LINGO2: variants seen among roughly 807,000 people sequenced by gnomAD.
LINGO2 encodes the protein leucine-rich repeat and immunoglobulin-like domain-containing nogo receptor-interacting protein 2.
LINGO2 carries 14 observed loss-of-function variants against 30.6 expected under a neutral mutation model. That is an observed-to-expected ratio of 0.46 (90% CI 0.30 to 0.72). LINGO2 has a LOEUF of 0.72. Ranked by LOEUF, LINGO2 falls within the 30% of genes least tolerant of loss-of-function variation. LINGO2 has a pLI of 0.07. For synonymous variants in LINGO2, 317 were observed against 288.5 expected (o/e 1.10, Z -1.00); for missense variants, 729 against 751.7 (o/e 0.97, Z 0.35).
rs375328291 is a variant in LINGO2 at position 28,655,502 on chromosome 9, T to C, written c.-365+14698A>G. 8.6e-5 allele frequency among the ~76,000 whole-genome samples: 13 copies of C among 152,044 alleles called. No individual in the cohort carries two copies. In the South Asian group the frequency reaches 2.7e-3, roughly 32 times the overall value. On this transcript the variant is annotated intron_variant, in intron 1 of 5. Transcript: ENST00000379992. ...CTGTTGGAAGAACATGATTGTGTTT[T>C]AAAATGTGAGGACCTGAGATTTGGG...
chr9:29,111,010 T>C, the LINGO2 span, among the ~76,000 whole-genome samples: 1 of 44,428 alleles, frequency 2.3e-5, no homozygotes, highest in Admixed American at 2.0e-4. Flanking sequence ...TTTTAAAAAA[T>C]AAGTTACTAA....
chr9:28,532,744 T>C (rs1204935671), intron 1 of LINGO2, among the ~76,000 whole-genome samples: 3 of 152,088 alleles, frequency 2.0e-5, no homozygotes, highest in Non-Finnish European at 4.4e-5. Context: ...CTACTTAGTA[T>C]GCTTCTGATT....
the LINGO2 span, among the ~76,000 whole-genome samples, chr9:29,116,343 G>T: frequency 2.0e-5 from 3 of 151,928 alleles, no homozygotes; most frequent in African/African-American, 7.2e-5. Flanking sequence ...GCATGTCTTT[G>T]TTCAACAAAT....
intron 4 of LINGO2, among the ~76,000 whole-genome samples, chr9:28,184,850 T>C (rs1043253796): frequency 6.6e-6 from 1 of 152,190 alleles, no homozygotes; most frequent in African/African-American, 2.4e-5. Context: ...CTGCTTTTTC[T>C]GACCCAGGAG....
At chr9:28,822,576 GC>G in the LINGO2 span, among the ~76,000 whole-genome samples, 56,827 of 151,780 alleles carry the variant, frequency 0.37, 12,583 homozygotes, top group Middle Eastern at 0.51. Flanking sequence ...TGCCAGCATG[GC>G]TAGAATATAA....
At chr9:28,667,993 A>G (rs1466758255) in intron 1 of LINGO2, among the ~76,000 whole-genome samples, 1 of 152,104 alleles carries the variant, frequency 6.6e-6, no homozygotes, top group Non-Finnish European at 1.5e-5. Flanking sequence ...ACGTGAACCT[A>G]TGACTCTTTG....
chr9:28,348,561 G>T (rs939241219), intron 3 of LINGO2, among the ~76,000 whole-genome samples: 3 of 152,058 alleles, frequency 2.0e-5, no homozygotes, highest in Non-Finnish European at 2.9e-5. Flanking sequence ...AGGCGGCAGC[G>T]AGGCTGGGGG....
At chr9:28,309,849 G>T (rs1258852753) in intron 3 of LINGO2, among the ~76,000 whole-genome samples, 1 of 151,832 alleles carries the variant, frequency 6.6e-6, no homozygotes, top group African/African-American at 2.4e-5. Context: ...AAAGGTAAAA[G>T]AGTTGATTTC....
rs1393993515 is a variant in LINGO2, at chr9:28,133,322, T to C, written c.-86-120917A>G. ...TTAAAAGTTTTGGGTGATCTATTAC[T>C]GTAGTTGTCATCAGAAAATATAATT... On this transcript the variant is annotated intron_variant, in intron 4 of 5. Coordinates refer to ENST00000379992, the Ensembl canonical transcript of LINGO2. 2.0e-5 allele frequency among the ~76,000 whole-genome samples: 3 copies of C among 152,210 alleles called. No homozygotes were observed. In the East Asian group the frequency reaches 5.8e-4, roughly 29 times the overall value.
chr9:28,383,254 TTG>T (rs3065590), intron 2 of LINGO2, among the ~76,000 whole-genome samples: 1,021 of 73,688 alleles, frequency 0.014, 2 homozygotes, highest in Middle Eastern at 0.041. Flanking sequence ...TCACCATTCA[TTG>T]TGTGTGTGTG....
At chr9:28,785,297 T>C in the LINGO2 span, among the ~76,000 whole-genome samples, 1 of 152,106 alleles carries the variant, frequency 6.6e-6, no homozygotes, top group Non-Finnish European at 1.5e-5. Flanking sequence ...TCATTGACCA[T>C]ACCTAGGCAT....
At chr9:28,885,140 G>T in the LINGO2 span, among the ~76,000 whole-genome samples, 1 of 147,046 alleles carries the variant, frequency 6.8e-6, no homozygotes, top group Non-Finnish European at 1.5e-5. Context: ...GCACTCCCGG[G>T]CACTCAAAGT....
the LINGO2 span, among the ~76,000 whole-genome samples, chr9:28,989,875 C>T: frequency 1.8e-4 from 28 of 152,184 alleles, no homozygotes; most frequent in African/African-American, 6.5e-4. Context: ...ATGACCACGA[C>T]GACCTTAAAA....
chr9:28,947,109 C>T, the LINGO2 span, among the ~76,000 whole-genome samples: 25,149 of 151,868 alleles, frequency 0.17, 2,182 homozygotes, highest in East Asian at 0.28. Flanking sequence ...AAATATATAT[C>T]TATATCTAGA....
At chr9:28,959,079 G>A in the LINGO2 span, among the ~76,000 whole-genome samples, 1 of 152,116 alleles carries the variant, frequency 6.6e-6, no homozygotes, top group African/African-American at 2.4e-5. Flanking sequence ...GCATGTGTAA[G>A]TGCCTGTCAC....
intron 1 of LINGO2, among the ~76,000 whole-genome samples, chr9:28,551,220 G>T (rs527415827): frequency 6.6e-6 from 1 of 151,742 alleles, no homozygotes; most frequent in East Asian, 1.9e-4. Context: ...TCTGAAATAG[G>T]CCCATCTCTT....
chr9:28,575,813 C>T (rs16913306), intron 1 of LINGO2, among the ~76,000 whole-genome samples: 20 of 151,974 alleles, frequency 1.3e-4, no homozygotes, highest in Non-Finnish European at 2.4e-4. Context: ...CATGGAACAT[C>T]CCAGGTCTCC....
chr9:28,814,530 G>A, the LINGO2 span, among the ~76,000 whole-genome samples: 1 of 152,136 alleles, frequency 6.6e-6, no homozygotes, highest in Admixed American at 6.5e-5. Flanking sequence ...CCCTTGGCAA[G>A]TTTCCCTAAA....
intron 1 of LINGO2, among the ~76,000 whole-genome samples, chr9:28,590,394 G>A (rs1229771069): frequency 1.3e-5 from 2 of 151,918 alleles, no homozygotes; most frequent in African/African-American, 4.8e-5. Context: ...GAAAATTTTT[G>A]CAACCTATTC....
Sources: gnomAD v4.1 joint callset for allele counts (sites outside exome capture counted in the v4.1 genomes callset) on GRCh38, gnomAD v4.1.1 for gene constraint, MANE v1.5 for transcripts, NCBI Gene and HGNC (gene_info 2026-07-23, HGNC 2026-07-21) for gene names.